Variants in MAMDC4 observed in about 807,000 individuals in gnomAD.
The protein encoded by MAMDC4 is apical endosomal glycoprotein.
A neutral mutation model predicts 153.3 loss-of-function variants in MAMDC4; 168 were observed. The ratio of observed to expected loss-of-function variants is 1.10; its 90% CI spans 0.97 to 1.25. The LOEUF (loss-of-function observed/expected upper bound fraction) is 1.25, where lower values mean the gene tolerates loss of function less well. Ranked by LOEUF, MAMDC4 falls within the 50% of genes most tolerant of loss-of-function variation. The pLI, the probability that MAMDC4 is intolerant of heterozygous loss-of-function variation, is 0.00. For missense variants in MAMDC4, 1,701 were observed against 1,542.8 expected (o/e 1.10, Z -1.72); for synonymous variants, 744 against 651.5 (o/e 1.14, Z -2.16).
intron 22 of MAMDC4, 42 bp from the exon 23 acceptor site, chr9:136,858,677 G>A (rs1564388787): frequency 1.9e-6 from 3 of 1,610,242 alleles, no homozygotes; most frequent in South Asian, 2.2e-5. Flanking sequence ...CTGAGGGCTG[G>A]CTCTGCCCAT....
intron 14 of MAMDC4, 88 bp from the exon 15 acceptor site, chr9:136,856,622 T>C: frequency 1.5e-6 from 2 of 1,292,020 alleles, no homozygotes; most frequent in Non-Finnish European, 2.2e-6. Flanking sequence ...CCCCTTACAC[T>C]CCTCCAGGGA....
chr9:136,857,071 T>C, intron 16 of MAMDC4, 30 bp downstream of exon 16: 1 of 1,604,802 alleles, frequency 6.2e-7, no homozygotes, highest in Non-Finnish European at 8.5e-7. Flanking sequence ...GGGCAGAGCC[T>C]GTGGGGAGGC....
intron 14 of MAMDC4, 143 bp downstream of exon 14, chr9:136,856,292 C>A (rs779295130): frequency 7.5e-7 from 1 of 1,341,906 alleles, no homozygotes; most frequent in South Asian, 1.2e-5. Context: ...CAACGGCTCC[C>A]GGGAGCTGGC....
chr9:136,854,038 C>T lies in MAMDC4; in HGVS notation c.632C>T (p.Ala211Val), dbSNP rs990887808. The T allele has an allele frequency of 1.9e-6, 3 of 1,612,968 alleles. No individual in the cohort carries two copies. The highest frequency in any genetic ancestry group is 1.1e-5 in the South Asian group (1 of 91,084). ...TRNATHRGAV[A>V]LDDLEFWDCG... ...AATGCCACCCACAGGGGCGCTGTGG[C>T]TCTAGATGACCTAGAGTTCTGGGAC... Residue 211 changes from alanine (A) to valine (V), a missense_variant, in exon 6 of 27, where the codon GCT (alanine) becomes GTT (valine). Transcript: ENST00000317446.
chr9:136,853,374 G>C lies in MAMDC4; in HGVS notation c.244G>C (p.Gly82Arg), dbSNP rs1848955219. 6.2e-7 allele frequency: 1 copy of C among 1,606,672 alleles called. No individual in the cohort carries two copies. Among genetic ancestry groups the C allele is most frequent in the Non-Finnish European group, 8.5e-7 (1 of 1,175,280 alleles). ...PCGWRDISTSGYSWLRDRAGA... is the reference protein window; with the variant it reads ...PCGWRDISTSRYSWLRDRAGA... The stretch of plus-strand genomic sequence containing the variant: ...CGGCTGGCGGGACATTAGTACCTCA[G>C]GCTACAGCTGGCTCCGAGACAGGGC... Residue 82 changes from glycine (G) to arginine (R), a missense_variant, in exon 3 of 27, where the codon GGC (glycine) becomes CGC (arginine). By Grantham distance (125) the Gly-to-Arg change is moderately radical (BLOSUM62 -2). Transcript: ENST00000317446.
At chr9:136,855,909 G>T in intron 13 of MAMDC4, 61 bp downstream of exon 13, 1 of 1,499,682 alleles carries the variant, frequency 6.7e-7, no homozygotes. Context: ...CCTCAGAGGG[G>T]TCTCTGCTCT....
rs370414883 is a variant in MAMDC4, at chr9:136,857,005, C to G, written c.1936C>G (p.Leu646Val). 12 of 1,612,354 alleles carry G rather than the reference C, an allele frequency of 7.4e-6. No individual in the cohort carries two copies. Among genetic ancestry groups the G allele is most frequent in the South Asian group, 1.1e-5 (1 of 91,036 alleles). Residue 646 changes from leucine to valine, a missense_variant, in exon 16 of 27, where the codon CTC (leucine) becomes GTC (valine). Leu to Val is a conservative substitution (Grantham distance 32, BLOSUM62 1). Coordinates refer to ENST00000317446, the MANE Select transcript of MAMDC4 (RefSeq NM_206920.3). ...PQVPAAPTEC[L>V]SFWYHLHGPQ... ...GGTGCCAGCAGCACCCACGGAGTGT[C>G]TCAGCTTCTGGTACCACCTCCATGG...
rs375285543 is a variant in MAMDC4 at position 136,858,317 on chromosome 9, C to G, written c.2674+41C>G. 49 of 1,600,458 alleles carry G rather than the reference C, an allele frequency of 3.1e-5. No homozygotes were observed. The African/African-American group carries it at 5.9e-4, about 19-fold the overall frequency. On this transcript the variant is annotated intron_variant, in intron 21 of 26. Transcript: ENST00000317446. ...TGGCCTCGGCCCTGCTCTGGGGTGC[C>G]TGCCTAGCCCTTTCCCTTCGTAGTC... is the stretch of plus-strand genomic sequence containing the variant.
chr9:136,854,837 C>A lies in MAMDC4; in HGVS notation c.1010C>A (p.Thr337Asn), dbSNP rs544927460. ...LSSPEFQASGTSNCSLVFYQY... is the reference protein window; with the variant it reads ...LSSPEFQASGNSNCSLVFYQY... ...AGCCCCGAATTCCAAGCCTCAGGCA[C>A]CTCCAACTGCTCGGTGAGATGGGTG... is the stretch of plus-strand genomic sequence containing the variant. Residue 337 changes from threonine to asparagine, a missense_variant, in exon 9 of 27, where the codon ACC (threonine) becomes AAC (asparagine). Physicochemically the swap from Thr to Asn is moderately conservative, Grantham distance 65. Coordinates refer to ENST00000317446, the MANE Select transcript of MAMDC4 (RefSeq NM_206920.3). 6.2e-7 allele frequency: 1 copy of A among 1,612,828 alleles called. No individual in the cohort carries two copies. Among genetic ancestry groups the A allele is most frequent in the South Asian group, 1.1e-5 (1 of 91,088 alleles).
At position 136,859,997 on chromosome 9, in the gene MAMDC4, G is replaced by A; in HGVS notation, c.3305G>A (p.Gly1102Glu). 6.2e-7 allele frequency: 1 copy of A among 1,612,246 alleles called. No homozygotes were observed. Among genetic ancestry groups the A allele is most frequent in the Non-Finnish European group, 8.5e-7 (1 of 1,179,636 alleles). The change falls in exon 26 of 27, where the codon GGG becomes GAG. Residue 1102 changes from glycine (G) to glutamate (E), a missense_variant. Physicochemically the swap from Gly to Glu is moderately conservative, Grantham distance 98. Transcript: ENST00000317446. Reference protein sequence around the residue: ...LGGRRWLQKKGSCPFQSNTEA... With the variant: ...LGGRRWLQKKESCPFQSNTEA... ...GGACGGCGCTGGCTGCAGAAGAAGG[G>A]GAGCTGCCCCTTCCAGAGCAACACA...
At chr9:136,860,210 G>T in intron 26 of MAMDC4, 146 bp downstream of exon 26, 1 of 991,448 alleles carries the variant, frequency 1.0e-6, no homozygotes. Flanking sequence ...GCCTCTCCCA[G>T]CCACCACTGT....
chr9:136,856,939 C>T lies in MAMDC4; in HGVS notation c.1870C>T (p.Leu624=). 6.2e-7 allele frequency: 1 copy of T among 1,611,154 alleles called. No individual in the cohort carries two copies. ...TGTGCTCCTGGACCCCACAGACCCC[C>T]TGGCCTGGGGCCACAGTGCCCACCT... ...HFVLLDPTDP[L]AWGHSAHLLS... Residue 624 remains leucine (L), a synonymous_variant, in exon 16 of 27, where the codon CTG becomes TTG. Coordinates refer to ENST00000317446, the MANE Select transcript of MAMDC4 (RefSeq NM_206920.3).
intron 9 of MAMDC4, 21 bp downstream of exon 9, chr9:136,854,871 A>AG: frequency 6.2e-7 from 1 of 1,612,632 alleles, no homozygotes; most frequent in South Asian, 1.1e-5. Flanking sequence ...TGGGGCTCAC[A>AG]GGGCCTCCCT....
At position 136,856,908 on chromosome 9, in the gene MAMDC4, C is replaced by A. The variant is rs755981732; in HGVS notation, c.1839C>A (p.Gly613=). The A allele has an allele frequency of 1.9e-6, 3 of 1,609,122 alleles. No individual in the cohort carries two copies. In the Admixed American group the frequency reaches 5.0e-5, roughly 27 times the overall value. ...AGCACAGCCCCATGCCCCCTGCAGGCCACTTTGTGCTCCTGGACCCCACAG... is the reference window on the plus strand; with the variant it reads ...AGCACAGCCCCATGCCCCCTGCAGGACACTTTGTGCTCCTGGACCCCACAG... ...GPDHDHTTGQ[G]HFVLLDPTDP... The change falls in exon 16 of 27, where the codon GGC becomes GGA. Residue 613 remains glycine (G), a splice_region_variant and synonymous_variant. Coordinates refer to ENST00000317446, the MANE Select transcript of MAMDC4 (RefSeq NM_206920.3).
intron 23 of MAMDC4, 71 bp downstream of exon 23, chr9:136,858,924 G>A: frequency 1.3e-6 from 2 of 1,546,962 alleles, no homozygotes; most frequent in African/African-American, 1.4e-5. Flanking sequence ...AGGTGGGGAG[G>A]TGGCCTCCCC....
In MAMDC4 at chr9:136,853,287, T is replaced by A. The variant is rs186097368; in HGVS notation, c.157T>A (p.Tyr53Asn). ...RDCSDEAQCGYHGASPTLGAP... is the reference protein window; with the variant it reads ...RDCSDEAQCGNHGASPTLGAP... Reference sequence around the variant, plus strand: ...CACCTGACCACCCACTCTCCCAGGTTACCACGGGGCCTCGCCCACCCTGGG... The same window carrying A: ...CACCTGACCACCCACTCTCCCAGGTAACCACGGGGCCTCGCCCACCCTGGG... Residue 53 changes from tyrosine to asparagine, a missense_variant and splice_region_variant, in exon 3 of 27, where the codon TAC becomes AAC. By Grantham distance (143) the Tyr-to-Asn change is moderately radical. Transcript: ENST00000317446. The A allele has an allele frequency of 7.0e-4, 1,130 of 1,604,088 alleles. 12 individuals carry two copies. The East Asian group carries it at 0.02, about 28-fold the overall frequency.
rs1458139225 is a variant in MAMDC4, at chr9:136,853,226, T to C, written c.154+17T>C. On this transcript the variant is annotated intron_variant, in intron 2 of 26. Coordinates refer to ENST00000317446, the MANE Select transcript of MAMDC4 (RefSeq NM_206920.3). ...CCCAGTGTGGTGAGCCAAGACCAGATGGGCGGGCAGGGCCAGTGCGAGCAG... is the reference window on the plus strand; with the variant it reads ...CCCAGTGTGGTGAGCCAAGACCAGACGGGCGGGCAGGGCCAGTGCGAGCAG... 6.2e-7 allele frequency: 1 copy of C among 1,612,618 alleles called. No individual in the cohort carries two copies. Among genetic ancestry groups the C allele is most frequent in the Admixed American group, 1.7e-5 (1 of 60,008 alleles).
intron 8 of MAMDC4, 24 bp downstream of exon 8, chr9:136,854,700 C>A: frequency 6.2e-7 from 1 of 1,611,706 alleles, no homozygotes; most frequent in Non-Finnish European, 8.5e-7. Context: ...AGGACCCGGC[C>A]CAGGCCCTGC....
chr9:136,857,046 G>C lies in MAMDC4; in HGVS notation c.1972+5G>C, dbSNP rs374413624. The C allele has an allele frequency of 5.6e-6, 9 of 1,609,858 alleles. No homozygotes were observed. In the Admixed American group the frequency reaches 1.0e-4, roughly 18 times the overall value. ...ACCTCCATGGGCCCCAGATTGGTGA[G>C]TGGACCTGGAAACAGGGCAGAGCCT... On this transcript the variant is annotated splice_donor_5th_base_variant and intron_variant, in intron 16 of 26. Coordinates refer to ENST00000317446, the MANE Select transcript of MAMDC4 (RefSeq NM_206920.3).
Sources: allele counts gnomAD v4.1 joint callset, GRCh38; gene constraint gnomAD v4.1.1; transcripts MANE v1.5; gene names NCBI Gene and HGNC (gene_info 2026-07-23, HGNC 2026-07-21).